The following CALN1 variants were observed in gnomAD, a reference collection of about 807,000 sequenced individuals.
The protein encoded by CALN1 is calcium-binding protein 8.
Under a neutral mutation model 30.6 loss-of-function variants are expected in CALN1, and 17 were observed. The observed-to-expected ratio is 0.56, with a 90% CI of 0.38 to 0.83. The LOEUF is 0.83. CALN1 is among the 40% of genes least tolerant of loss of function. The pLI is 0.00. For missense variants in CALN1, 291 were observed against 354.9 expected (o/e 0.82, Z 1.45); for synonymous variants, 156 against 131.4 (o/e 1.19, Z -1.28).
At chr7:72,280,477 T>C (rs1289045070) in intron 2 of CALN1, among the ~76,000 whole-genome samples, 1 of 152,260 alleles carries the variant, frequency 6.6e-6, no homozygotes, top group Non-Finnish European at 1.5e-5. Context: ...AATCTATCCT[T>C]ATATTTAAAC....
intron 1 of CALN1, among the ~76,000 whole-genome samples, chr7:72,419,530 G>A (rs1807541058): frequency 6.6e-6 from 1 of 152,106 alleles, no homozygotes; most frequent in South Asian, 2.1e-4. Context: ...GGGTGTCCCA[G>A]AAACCCCACT....
chr7:71,867,462 GTC>G (rs1791654359), intron 5 of CALN1, among the ~76,000 whole-genome samples: 5 of 151,732 alleles, frequency 3.3e-5, no homozygotes, highest in Non-Finnish European at 7.4e-5. Flanking sequence ...TTGAGATAGA[GTC>G]TAGCTCTGTC....
At chr7:72,089,169 G>C (rs1033503512) in intron 4 of CALN1, among the ~76,000 whole-genome samples, 1 of 151,882 alleles carries the variant, frequency 6.6e-6, no homozygotes, top group Non-Finnish European at 1.5e-5. Context: ...AATTAACAAA[G>C]AACAGAAAAG....
the CALN1 span, among the ~76,000 whole-genome samples, chr7:72,461,609 T>C: frequency 4.6e-5 from 7 of 152,120 alleles, no homozygotes; most frequent in Non-Finnish European, 1.5e-5. Flanking sequence ...AAACAGTGGG[T>C]ACACGTGGAC....
At chr7:72,399,647 C>CTTAA (rs1806206763) in intron 2 of CALN1, among the ~76,000 whole-genome samples, 2 of 152,152 alleles carry the variant, frequency 1.3e-5, no homozygotes, top group African/African-American at 4.8e-5. Flanking sequence ...AAAGCTCCAA[C>CTTAA]TTAAGCCTTA....
In CALN1 at chr7:72,215,792, A is replaced by T. The variant is rs1446369113; in HGVS notation, c.244+62894T>A. ...TTCCCTGCTGCACGAGGCCTTTGGG[A>T]TTCACTCAGTGTTGAGCCACAGCCA... On this transcript the variant is annotated intron_variant, in intron 3 of 6. Coordinates refer to ENST00000395275, the MANE Select transcript of CALN1 (RefSeq NM_031468.4). Among the ~76,000 whole-genome samples the T allele has an allele frequency of 2.6e-5, 4 of 152,096 alleles. No homozygotes were observed. In the East Asian group the frequency reaches 5.8e-4, roughly 22 times the overall value.
chr7:71,832,852 C>T (rs746609507), intron 5 of CALN1, among the ~76,000 whole-genome samples: 9 of 152,014 alleles, frequency 5.9e-5, no homozygotes, highest in African/African-American at 1.7e-4. Flanking sequence ...GTGATCCACC[C>T]GCATTGGCCT....
rs182305599 is a variant in CALN1 at position 71,838,095 on chromosome 7, G to A, written c.502-27603C>T. On this transcript the variant is annotated intron_variant, in intron 5 of 6. Coordinates refer to ENST00000395275, the MANE Select transcript of CALN1 (RefSeq NM_031468.4). ...GCTTTAGAGGCTGCATAAAATTGCC[G>A]TGTATTTTTCCAGATTTTGTTCTGC... is the stretch of plus-strand genomic sequence containing the variant. 1.5e-3 allele frequency among the ~76,000 whole-genome samples: 235 copies of A among 152,204 alleles called. 1 individual carries two copies. The highest frequency in any genetic ancestry group is 5.2e-3 in the African/African-American group (218 of 41,538).
chr7:72,261,343 C>T (rs1346303871), intron 3 of CALN1, among the ~76,000 whole-genome samples: 2 of 151,920 alleles, frequency 1.3e-5, no homozygotes, highest in Non-Finnish European at 2.9e-5. Flanking sequence ...CACAAAAAAT[C>T]TATCCGTACA....
intron 5 of CALN1, among the ~76,000 whole-genome samples, chr7:71,945,373 G>A (rs758132925): frequency 5.9e-5 from 9 of 152,122 alleles, no homozygotes; most frequent in East Asian, 5.8e-4. Context: ...ACAAAACAAC[G>A]CAGTTAAGTA....
At chr7:71,995,280 C>T (rs941048851) in intron 5 of CALN1, among the ~76,000 whole-genome samples, 9 of 152,218 alleles carry the variant, frequency 5.9e-5, no homozygotes, top group African/African-American at 2.2e-4. Flanking sequence ...CACCTGGCTT[C>T]CAGGTTCCTC....
intron 2 of CALN1, among the ~76,000 whole-genome samples, chr7:72,391,611 A>T (rs1337279184): frequency 6.6e-6 from 1 of 151,582 alleles, no homozygotes; most frequent in African/African-American, 2.4e-5. Context: ...AGATAATTGA[A>T]TCATGGAGGG....
intron 5 of CALN1, among the ~76,000 whole-genome samples, chr7:71,886,675 A>G (rs1234941377): frequency 1.3e-5 from 2 of 151,488 alleles, no homozygotes; most frequent in East Asian, 3.9e-4. Context: ...TGGGAGGCTG[A>G]GGCATAAGAA....
intron 6 of CALN1, among the ~76,000 whole-genome samples, chr7:71,803,675 A>C (rs1470591503): frequency 6.6e-6 from 1 of 150,896 alleles, no homozygotes; most frequent in East Asian, 2.0e-4. Flanking sequence ...GGGTTTCGCC[A>C]TGTTGGCCAG....
intron 2 of CALN1, among the ~76,000 whole-genome samples, chr7:72,355,067 C>G (rs1295022251): frequency 6.6e-6 from 1 of 152,050 alleles, no homozygotes; most frequent in African/African-American, 2.4e-5. Flanking sequence ...CGCCACCATG[C>G]CCGGCTAATT....
intron 2 of CALN1, among the ~76,000 whole-genome samples, chr7:72,340,078 A>AG (rs1802311078): frequency 6.6e-6 from 1 of 152,250 alleles, no homozygotes. Context: ...GAGGGAACTG[A>AG]GGACTAAACT....
At chr7:72,477,563 G>A in the CALN1 span, among the ~76,000 whole-genome samples, 1 of 152,062 alleles carries the variant, frequency 6.6e-6, no homozygotes, top group Non-Finnish European at 1.5e-5. Flanking sequence ...GACTACAGAA[G>A]AGCAACACCA....
intron 3 of CALN1, among the ~76,000 whole-genome samples, chr7:72,252,049 G>A (rs10238909): frequency 0.19 from 28,750 of 151,970 alleles, 3,783 homozygotes; most frequent in East Asian, 0.43. Context: ...ATCTTAATGC[G>A]TCCCCAAAGT....
At chr7:72,015,451 CTT>C (rs934787730) in intron 5 of CALN1, among the ~76,000 whole-genome samples, 1 of 115,810 alleles carries the variant, frequency 8.6e-6, no homozygotes, top group Non-Finnish European at 1.9e-5. Context: ...TTTTTTTTCT[CTT>C]TTTGAGACAG....
Sources: allele counts gnomAD v4.1 joint callset (sites outside exome capture counted in the v4.1 genomes callset), GRCh38; gene constraint gnomAD v4.1.1; transcripts MANE v1.5; gene names NCBI Gene and HGNC (gene_info 2026-07-23, HGNC 2026-07-21).